The following SRP68 variants were observed in gnomAD, a reference collection of about 807,000 sequenced individuals.
SRP68 encodes signal recognition particle subunit SRP68.
In SRP68, 15 loss-of-function variants were observed where a neutral mutation model predicts 82.2. That is an observed-to-expected ratio of 0.18 (90% confidence interval 0.12 to 0.28). The LOEUF (loss-of-function observed/expected upper bound fraction) is 0.28, where lower values mean the gene tolerates loss of function less well. Ranked by LOEUF, SRP68 falls within the 10% of genes least tolerant of loss-of-function variation. The pLI is 1.00. For synonymous variants in SRP68, 261 were observed against 292.6 expected (o/e 0.89, Z 1.10); for missense variants, 595 against 780.5 (o/e 0.76, Z 2.83).
chr17:76,054,352 C>T (rs1598263373), intron 8 of SRP68, among the ~76,000 whole-genome samples: 1 of 152,146 alleles, frequency 6.6e-6, no homozygotes, highest in South Asian at 2.1e-4. Flanking sequence ...CCCAACCACA[C>T]CCCTACTATG....
rs753200088 is a variant in SRP68, at chr17:76,064,050, C to T, written c.487G>A (p.Val163Met). The T allele has an allele frequency of 1.8e-5, 29 of 1,614,124 alleles. No individual in the cohort carries two copies. The highest frequency in any genetic ancestry group is 2.2e-5 in the Non-Finnish European group (26 of 1,180,048). ...CGTTCCAATTCCTCTGCATGCTTCACGGCTTTGCGTAGGCGAGATAACAAG... is the reference window on the plus strand; with the variant it reads ...CGTTCCAATTCCTCTGCATGCTTCATGGCTTTGCGTAGGCGAGATAACAAG... ...FHLLSRLRKA[V>M]KHAEELERLC... The change falls in exon 4 of 16, where the codon GTG (valine) becomes ATG (methionine). Residue 163 changes from valine (V) to methionine (M), a missense_variant. Physicochemically the swap from Val to Met is conservative, Grantham distance 21. Transcript: ENST00000307877.
At chr17:76,057,590 T>C (rs1278701161) in intron 7 of SRP68, 47 bp from the exon 8 acceptor site, 1 of 1,597,678 alleles carries the variant, frequency 6.3e-7, no homozygotes, top group East Asian at 2.2e-5. Flanking sequence ...GGGATATGAG[T>C]GATGGAGGTG....
chr17:76,044,074 T>TGCGGTGATCC, intron 12 of SRP68, 116 bp from the exon 13 acceptor site: 1 of 1,195,188 alleles, frequency 8.4e-7, no homozygotes, highest in Non-Finnish European at 1.1e-6. Context: ...TAACGTGGGA[T>TGCGGTGATCC]CACCGCATGG....
Position 76,047,935 on chromosome 17 carries a change from C to T in SRP68, c.1113G>A (p.Gly371=). The change falls in exon 10 of 16, where the codon GGG becomes GGA. Residue 371 remains glycine, a synonymous_variant. Transcript: ENST00000307877. ...QRDYILEGEP[G]KVSNLQYLHS... Reference sequence around the variant, plus strand: ...GCAAGTATTGAAGATTAGACACCTTCCCTGGCTCTCCTTCAAGGATATAAT... The same window carrying T: ...GCAAGTATTGAAGATTAGACACCTTTCCTGGCTCTCCTTCAAGGATATAAT... The T allele has an allele frequency of 6.3e-7, 1 of 1,577,058 alleles. No individual in the cohort carries two copies. Among genetic ancestry groups the T allele is most frequent in the Non-Finnish European group, 8.6e-7 (1 of 1,158,980 alleles).
chr17:76,045,306 C>T lies in SRP68; in HGVS notation c.1380G>A (p.Val460=), dbSNP rs762558277. The change falls in exon 12 of 16, where the codon GTG becomes GTA. Residue 460 remains valine (V), a synonymous_variant. Coordinates refer to ENST00000307877, the MANE Select transcript of SRP68 (RefSeq NM_014230.4). ...FQKEIGLKTL[V]FKAYRCFFIA... ...TGGGACGTTACCTGTAAGCTTTGAA[C>T]ACCAGAGTCTTGAGGCCTATCTCTT... 9 of 1,613,668 alleles carry T rather than the reference C, an allele frequency of 5.6e-6. No homozygotes were observed. The highest frequency in any genetic ancestry group is 7.6e-6 in the Non-Finnish European group (9 of 1,179,698).
intron 15 of SRP68, 72 bp downstream of exon 15, chr17:76,040,347 A>C: frequency 7.0e-7 from 1 of 1,437,552 alleles, no homozygotes; most frequent in Non-Finnish European, 9.8e-7. Flanking sequence ...CCACTGCTCT[A>C]TAATGAGCAT....
Position 76,061,554 on chromosome 17 carries a change from T to A in SRP68, c.582A>T (p.Ser194=), listed in dbSNP as rs774185502. 8 of 1,614,068 alleles carry A rather than the reference T, an allele frequency of 5.0e-6. No individual in the cohort carries two copies. Among genetic ancestry groups the A allele is most frequent in the Non-Finnish European group, 6.8e-6 (8 of 1,179,932 alleles). The change falls in exon 5 of 16, where the codon TCA becomes TCT. Residue 194 remains serine (S), a synonymous_variant. Transcript: ENST00000307877. ...CTTGATGTTCAAAACGTAGCATTCC[T>A]GAGAGGTAAGCTGTGTAAGCCTGTG... The part of the protein sequence containing the change: ...LEAQAYTAYL[S]GMLRFEHQEW...
rs1462318876 is a variant in SRP68 at position 76,053,425 on chromosome 17, A to C, written c.979-2899T>G. ...AAGTGGTTGGAGCAACCGGCGTTCAAGAAAAGAGCGAACTTCGTCTTACCA... is the reference window on the plus strand; with the variant it reads ...AAGTGGTTGGAGCAACCGGCGTTCACGAAAAGAGCGAACTTCGTCTTACCA... On this transcript the variant is annotated intron_variant, in intron 8 of 15. Coordinates refer to ENST00000307877, the MANE Select transcript of SRP68 (RefSeq NM_014230.4). 6.1e-6 allele frequency: 6 copies of C among 984,482 alleles called. 1 individual carries two copies. In the East Asian group the frequency reaches 4.5e-4, roughly 74 times the overall value. 61.0% of individuals were successfully genotyped at this position (984,482 alleles called of 1,614,324 possible).
chr17:76,060,070 A>G (rs928720831), intron 7 of SRP68, among the ~76,000 whole-genome samples: 19 of 135,850 alleles, frequency 1.4e-4, no homozygotes, highest in Admixed American at 4.4e-4. Context: ...AGCTTGCAGT[A>G]AGCCGAGATC....
chr17:76,060,371 A>G lies in SRP68; in HGVS notation c.774T>C (p.Asn258=), dbSNP rs779417098. The G allele has an allele frequency of 1.2e-5, 19 of 1,612,616 alleles. No individual in the cohort carries two copies. In the South Asian group the frequency reaches 1.6e-4, roughly 14 times the overall value. The change falls in exon 7 of 16, where the codon AAT becomes AAC. Residue 258 remains asparagine (N), a synonymous_variant. Transcript: ENST00000307877. ...ACCTCAATCTCATCTGCATGAGTTC[A>G]TTGATGGCTGACTGGTCCCCTAAGA... ...AYNIGDQSAI[N]ELMQMRLRSG...
At chr17:76,053,925 C>G (rs948579541) in intron 8 of SRP68, among the ~76,000 whole-genome samples, 2 of 152,168 alleles carry the variant, frequency 1.3e-5, no homozygotes. Context: ...ACCTGTACAC[C>G]GACCTTCTCC....
Position 76,045,352 on chromosome 17 carries a change from T to G in SRP68, c.1334A>C (p.Glu445Ala). Reference sequence around the variant, plus strand: ...CTCTTTCTGGAAGGCTTTGTCTTCCTCTAAACCAGGAAGCTGGAGCAATTC... The same window carrying G: ...CTCTTTCTGGAAGGCTTTGTCTTCCGCTAAACCAGGAAGCTGGAGCAATTC... ...LVELLQLPGL[E>A]EDKAFQKEIG... is the part of the protein sequence containing the mutation. The change falls in exon 12 of 16, where the codon GAG becomes GCG. Residue 445 changes from glutamate to alanine, a missense_variant. Glu to Ala is a moderately radical substitution (Grantham distance 107). Around this residue, in one of 2 missense-constraint regions of SRP68, gnomAD observed 495 missense variants for 688.6 expected, o/e 0.72. Transcript: ENST00000307877. 6.8e-6 allele frequency: 11 copies of G among 1,613,646 alleles called. No individual in the cohort carries two copies. Among genetic ancestry groups the G allele is most frequent in the African/African-American group, 2.7e-5 (2 of 75,002 alleles).
At chr17:76,040,077 G>A (rs2066577803) in intron 15 of SRP68, 144 bp from the exon 16 acceptor site, 1 of 795,484 alleles carries the variant, frequency 1.3e-6, no homozygotes. Context: ...CTACGAGGAG[G>A]GGCTACCACA....
chr17:76,066,165 C>T (rs1041261534), intron 3 of SRP68, among the ~76,000 whole-genome samples: 2 of 151,988 alleles, frequency 1.3e-5, no homozygotes, highest in South Asian at 2.1e-4. Flanking sequence ...ATAATTTACA[C>T]ACCAGCCTGG....
chr17:76,067,942 G>A lies in SRP68; in HGVS notation c.252-612C>T, dbSNP rs1401209724. Among the ~76,000 whole-genome samples the A allele has an allele frequency of 5.9e-5, 9 of 152,180 alleles. 1 individual carries two copies. Among genetic ancestry groups the A allele is most frequent in the Admixed American group, 5.9e-4 (9 of 15,258 alleles). The stretch of plus-strand genomic sequence containing the variant: ...GGCAAATGTCAAGTTGAAAGGACAT[G>A]GGTAATCATTCTCTTGTTAGCACCT... On this transcript the variant is annotated intron_variant, in intron 2 of 15. Coordinates refer to ENST00000307877, the MANE Select transcript of SRP68 (RefSeq NM_014230.4).
chr17:76,059,360 T>C (rs1346149099), intron 7 of SRP68, among the ~76,000 whole-genome samples: 1 of 151,774 alleles, frequency 6.6e-6, no homozygotes, highest in Non-Finnish European at 1.5e-5. Context: ...CTGGCCAACA[T>C]GGTGAAACCC....
intron 4 of SRP68, among the ~76,000 whole-genome samples, chr17:76,062,027 C>T (rs1328603390): frequency 2.0e-5 from 3 of 151,880 alleles, no homozygotes; most frequent in African/African-American, 7.3e-5. Flanking sequence ...TGGCTCATGC[C>T]TGTAATCCCA....
At chr17:76,060,656 T>C (rs2144515023) in intron 6 of SRP68, 1 of 405,048 alleles carries the variant, frequency 2.5e-6, no homozygotes, top group East Asian at 4.4e-5. Context: ...GCGTGAACCC[T>C]GATGTAAACT....
At chr17:76,050,306 C>T in intron 9 of SRP68, 122 bp downstream of exon 9, 1 of 684,132 alleles carries the variant, frequency 1.5e-6, no homozygotes, top group South Asian at 1.7e-5. Flanking sequence ...CTCAAAAAAA[C>T]AAAAACGAAA....
Sources: gnomAD v4.1 joint callset for allele counts (sites outside exome capture counted in the v4.1 genomes callset) on GRCh38, gnomAD v4.1.1 for gene constraint, gnomAD v4.1.1 regional missense constraint, MANE v1.5 for transcripts, NCBI Gene and HGNC (gene_info 2026-07-23, HGNC 2026-07-21) for gene names.